BCL9: variants seen among roughly 807,000 people sequenced by gnomAD.
BCL9 encodes BCL9 transcription coactivator, also known as B-cell CLL/lymphoma 9 protein.
Under a neutral mutation model 88.5 loss-of-function variants are expected in BCL9, and 25 were observed. That is an observed-to-expected ratio of 0.28 (90% CI 0.21 to 0.39). The LOEUF (loss-of-function observed/expected upper bound fraction) is 0.39, where lower values mean the gene tolerates loss of function less well. Among genes scored for constraint, BCL9 ranks in the 10% least tolerant of loss-of-function variants. BCL9 has a pLI of 1.00. For synonymous variants in BCL9, 711 were observed against 673.3 expected (o/e 1.06, Z -0.87); for missense variants, 1,817 against 1,877.8 (o/e 0.97, Z 0.60).
intron 1 of BCL9, among the ~76,000 whole-genome samples, chr1:147,570,584 G>GC (rs200152790): frequency 0.015 from 2,314 of 149,842 alleles, 31 homozygotes; most frequent in East Asian, 0.056. Context: ...CTATCCCTTT[G>GC]CCCCCCATTC....
At chr1:147,611,524 GT>G in intron 3 of BCL9, 53 bp from the exon 4 acceptor site, 1 of 425,224 alleles carries the variant, frequency 2.4e-6, no homozygotes, top group East Asian at 3.7e-5. Flanking sequence ...TTGTGAGGGT[GT>G]TTTATGTCTC....
chr1:147,565,810 G>A (rs1365244988), intron 1 of BCL9, among the ~76,000 whole-genome samples: 2 of 152,156 alleles, frequency 1.3e-5, no homozygotes, highest in Admixed American at 6.5e-5. Flanking sequence ...TATGTAGTAG[G>A]TGCCCAGTAG....
intron 1 of BCL9, among the ~76,000 whole-genome samples, chr1:147,599,488 C>CG (rs1331676291): frequency 8.1e-6 from 1 of 124,208 alleles, no homozygotes; most frequent in African/African-American, 5.3e-5. Flanking sequence ...CCTTTCCTGG[C>CG]CCCCCGCCCC....
Position 147,624,807 on chromosome 1 carries a change from T to C in BCL9, c.4129T>C (p.Ser1377Pro), listed in dbSNP as rs782516438. ...GLYTHPGPVG[S>P]PGMMMSMQGM... is the part of the protein sequence containing the mutation. ...CTACACCCACCCTGGGCCTGTGGGCTCTCCAGGCATGATGATGTCCATGCA... is the reference window on the plus strand; with the variant it reads ...CTACACCCACCCTGGGCCTGTGGGCCCTCCAGGCATGATGATGTCCATGCA... Residue 1377 changes from serine (S) to proline (P), a missense_variant, in exon 10 of 10, where the codon TCT becomes CCT. Ser to Pro is a moderately conservative substitution (Grantham distance 74, BLOSUM62 -1). Transcript: ENST00000234739. The surrounding 1 kb of genome is among the most constrained non-coding windows in gnomAD (Gnocchi z 4.4). 1.2e-6 allele frequency: 2 copies of C among 1,613,778 alleles called. No homozygotes were observed.
intron 1 of BCL9, among the ~76,000 whole-genome samples, chr1:147,587,533 C>T (rs1656669758): frequency 6.6e-6 from 1 of 152,082 alleles, no homozygotes; most frequent in South Asian, 2.1e-4. Flanking sequence ...CTCCCTATTC[C>T]CAAGTCTGGC....
chr1:147,620,011 A>C lies in BCL9; in HGVS notation c.1856A>C (p.Glu619Ala). The C allele has an allele frequency of 6.2e-7, 1 of 1,614,044 alleles. No homozygotes were observed. The highest frequency in any genetic ancestry group is 8.5e-7 in the Non-Finnish European group (1 of 1,180,020). ...ATTTTCAGCGGTCCTGGCCGAGGGG[A>C]ACGCTTCCCAAACCCCCAAGGATTG... ...QGIFSGPGRG[E>A]RFPNPQGLSE... Residue 619 changes from glutamate to alanine, a missense_variant, in exon 8 of 10, where the codon GAA becomes GCA. By Grantham distance (107) the Glu-to-Ala change is moderately radical. This residue lies in a region of BCL9 where 1,228 missense variants were observed against 1,191.6 expected (regional missense o/e 1.03). Transcript: ENST00000234739.
Position 147,625,193 on chromosome 1 carries a change from T to G in BCL9, c.*234T>G, listed in dbSNP as rs899328765. On this transcript the variant is annotated 3_prime_UTR_variant, in exon 10 of 10. Transcript: ENST00000234739. ...AGATTTATTTTTTAAAAATTATTTTTGTGGACTTGGGTATCAATGATGGCA... is the reference window on the plus strand; with the variant it reads ...AGATTTATTTTTTAAAAATTATTTTGGTGGACTTGGGTATCAATGATGGCA... 5 of 504,014 alleles carry G rather than the reference T, an allele frequency of 9.9e-6. No individual in the cohort carries two copies. The highest frequency in any genetic ancestry group is 1.7e-5 in the Non-Finnish European group (5 of 297,562). 31.2% of individuals were successfully genotyped at this position (504,014 alleles called of 1,614,324 possible). A position where few individuals can be genotyped will look rare whatever the true frequency, so the allele number is the denominator to read the frequency against.
At chr1:147,591,711 C>T (rs782450541) in intron 1 of BCL9, among the ~76,000 whole-genome samples, 14 of 152,266 alleles carry the variant, frequency 9.2e-5, no homozygotes, top group Admixed American at 3.9e-4. Flanking sequence ...GTCTCTCCCT[C>T]CTGGCCATCC....
chr1:147,564,382 A>G (rs1570827983), intron 1 of BCL9, among the ~76,000 whole-genome samples: 4 of 152,102 alleles, frequency 2.6e-5, no homozygotes, highest in African/African-American at 9.6e-5. Context: ...TTAGTATTTT[A>G]TAAATTGTTA....
chr1:147,614,759 C>T, intron 6 of BCL9, 143 bp downstream of exon 6: 1 of 871,352 alleles, frequency 1.1e-6, no homozygotes, highest in Non-Finnish European at 1.7e-6. Flanking sequence ...CAAACTCCCC[C>T]AGAGGCAACC....
In BCL9 at chr1:147,601,690, C is replaced by T. The variant is rs375865853; in HGVS notation, c.-477-3087C>T. ...AAGTTTTAGCAAGGAGAGATGTTTG[C>T]GTGAATAATGTGAAGGCCCTACATA... On this transcript the variant is annotated intron_variant, in intron 1 of 9. Transcript: ENST00000234739. Among the ~76,000 whole-genome samples the T allele has an allele frequency of 1.4e-4, 21 of 152,156 alleles. 1 individual carries two copies. In the East Asian group the frequency reaches 3.9e-3, roughly 28 times the overall value.
chr1:147,551,066 T>C (rs1291334788), intron 1 of BCL9, among the ~76,000 whole-genome samples: 16 of 152,212 alleles, frequency 1.1e-4, no homozygotes, highest in African/African-American at 2.9e-4. Context: ...TATTATTATT[T>C]CTACTTTATA....
chr1:147,613,547 GC>G (rs782031212), intron 5 of BCL9, among the ~76,000 whole-genome samples: 1 of 152,118 alleles, frequency 6.6e-6, no homozygotes, highest in Non-Finnish European at 1.5e-5. Context: ...TGTGCCAGTG[GC>G]CCCCACTGGG....
At chr1:147,614,202 A>G (rs1553203258) in intron 5 of BCL9, among the ~76,000 whole-genome samples, 3 of 152,218 alleles carry the variant, frequency 2.0e-5, no homozygotes, top group African/African-American at 7.2e-5. Context: ...ACACTAATAT[A>G]TGAAGGAGGT....
At chr1:147,607,663 T>C (rs1353679916) in intron 3 of BCL9, among the ~76,000 whole-genome samples, 1 of 152,160 alleles carries the variant, frequency 6.6e-6, no homozygotes, top group Non-Finnish European at 1.5e-5. Flanking sequence ...AAACTTGATA[T>C]GGGAAAGTTG....
intron 2 of BCL9, among the ~76,000 whole-genome samples, chr1:147,605,166 C>G (rs1386869047): frequency 2.0e-5 from 3 of 152,146 alleles, no homozygotes; most frequent in Non-Finnish European, 2.9e-5. Context: ...AGAAGTTAAA[C>G]AGGTATTTAT....
intron 1 of BCL9, among the ~76,000 whole-genome samples, chr1:147,547,442 C>G (rs782318822): frequency 6.6e-6 from 1 of 152,096 alleles, no homozygotes; most frequent in Non-Finnish European, 1.5e-5. Context: ...AAATTTTCTG[C>G]CATGTTTTAG....
intron 1 of BCL9, among the ~76,000 whole-genome samples, chr1:147,586,367 C>A (rs1656602716): frequency 6.6e-6 from 1 of 152,118 alleles, no homozygotes; most frequent in African/African-American, 2.4e-5. Context: ...CACTTTCCAT[C>A]CTAAGTTCTT....
At chr1:147,616,080 C>T (rs1003980194) in intron 7 of BCL9, among the ~76,000 whole-genome samples, 178 bp downstream of exon 7, 1 of 152,156 alleles carries the variant, frequency 6.6e-6, no homozygotes, top group Non-Finnish European at 1.5e-5. Flanking sequence ...CTAGCCTTTT[C>T]TACGAGAAAG....
Sources: gnomAD v4.1 joint callset for allele counts (sites outside exome capture counted in the v4.1 genomes callset) on GRCh38, gnomAD v4.1.1 for gene constraint, gnomAD v4.1.1 regional missense constraint, Gnocchi (gnomAD v3.1) non-coding constraint, MANE v1.5 for transcripts, NCBI Gene and HGNC (gene_info 2026-07-23, HGNC 2026-07-21) for gene names.